The following SHLD1 variants were observed in gnomAD, a reference collection of about 807,000 sequenced individuals.
SHLD1 encodes RINN1-REV7-interacting novel NHEJ regulator 3.
SHLD1 carries 3 observed loss-of-function variants against 5.5 expected under a neutral mutation model. The ratio of observed to expected loss-of-function variants is 0.54; its 90% CI spans 0.25 to 1.40. SHLD1 has a LOEUF of 1.40. Ranked by LOEUF, SHLD1 falls within the 40% of genes most tolerant of loss-of-function variation. The probability of loss-of-function intolerance (pLI) is 0.15; values close to 1 mark genes in which losing one functional copy is unlikely to be tolerated. For synonymous variants in SHLD1, 92 were observed against 94.3 expected, an observed-to-expected ratio of 0.98 and a Z score of 0.14; for missense variants, 210 against 244.4, an observed-to-expected ratio of 0.86 and a Z score of 0.94.
chr20:5,857,874 T>G (rs2088109797), intron 2 of SHLD1, among the ~76,000 whole-genome samples: 1 of 151,618 alleles, frequency 6.6e-6, no homozygotes, highest in Non-Finnish European at 1.5e-5. Context: ...CCAAGGCAGG[T>G]GGATCACGAG....
intron 2 of SHLD1, among the ~76,000 whole-genome samples, chr20:5,860,876 TAAAAAAAAAAAAA>T (rs10555301): frequency 0.028 from 2,800 of 100,766 alleles, 147 homozygotes; most frequent in African/African-American, 0.09. Flanking sequence ...TACTATTCTT[TAAAAAAAAAAAAA>T]AAAAAAAAAA....
chr20:5,772,397 G>T (rs1367653753), intron 1 of SHLD1, among the ~76,000 whole-genome samples: 1 of 152,164 alleles, frequency 6.6e-6, no homozygotes, highest in South Asian at 2.1e-4. Context: ...CTGGACAGGG[G>T]TAATTAATGT....
rs2087471083 is a variant in SHLD1, at chr20:5,812,343, ACTT to A, written c.178+39303_178+39305del. Among the ~76,000 whole-genome samples, 7 of 152,062 alleles carry A rather than the reference ACTT, an allele frequency of 4.6e-5. No individual in the cohort carries two copies. The South Asian group carries it at 1.5e-3, about 32-fold the overall frequency. On this transcript the variant is annotated intron_variant, in intron 2 of 2. Coordinates refer to ENST00000303142, the MANE Select transcript of SHLD1 (RefSeq NM_152504.4). ...GAGTCCATAGGCCACTGCTTGGAAAACTTCTATGTATCCAGTATACAATGCACT... is the reference window on the plus strand; with the variant it reads ...GAGTCCATAGGCCACTGCTTGGAAAACTATGTATCCAGTATACAATGCACT...
At chr20:5,830,308 T>C (rs2087713133) in intron 2 of SHLD1, among the ~76,000 whole-genome samples, 1 of 151,982 alleles carries the variant, frequency 6.6e-6, no homozygotes, top group African/African-American at 2.4e-5. Flanking sequence ...TGCCACTGTA[T>C]GCATATAAGG....
chr20:5,817,968 T>TGCGTCCCTTC (rs2087558819), intron 2 of SHLD1, among the ~76,000 whole-genome samples: 1 of 152,226 alleles, frequency 6.6e-6, no homozygotes, highest in African/African-American at 2.4e-5. Context: ...AGGCACATCT[T>TGCGTCCCTTC]GCGTCCCTTC....
chr20:5,848,425 A>ACC (rs1279783473), intron 2 of SHLD1, among the ~76,000 whole-genome samples: 1 of 152,234 alleles, frequency 6.6e-6, no homozygotes, highest in Non-Finnish European at 1.5e-5. Flanking sequence ...TGGCTGAGGC[A>ACC]CAAGAATCAC....
chr20:5,783,820 C>T (rs1216859930), intron 2 of SHLD1, among the ~76,000 whole-genome samples: 1 of 151,948 alleles, frequency 6.6e-6, no homozygotes, highest in African/African-American at 2.4e-5. Context: ...GGCAGGCATT[C>T]ATCCAAAGAA....
At chr20:5,851,427 G>C (rs1372742195) in intron 2 of SHLD1, among the ~76,000 whole-genome samples, 1 of 151,610 alleles carries the variant, frequency 6.6e-6, no homozygotes, top group Non-Finnish European at 1.5e-5. Context: ...GGACTTCGAG[G>C]CTACAGTGAT....
At chr20:5,852,580 G>A (rs2088025653) in intron 2 of SHLD1, among the ~76,000 whole-genome samples, 1 of 152,180 alleles carries the variant, frequency 6.6e-6, no homozygotes, top group East Asian at 1.9e-4. Context: ...CTCCTGAGTA[G>A]CTGGGATTAC....
intron 2 of SHLD1, among the ~76,000 whole-genome samples, chr20:5,844,856 G>A (rs1445234069): frequency 6.9e-6 from 1 of 144,564 alleles, no homozygotes; most frequent in African/African-American, 2.6e-5. Context: ...GTGTAGTAGT[G>A]CGATCTCGGT....
At chr20:5,808,619 G>GTC (rs1211566532) in intron 2 of SHLD1, among the ~76,000 whole-genome samples, 1 of 152,182 alleles carries the variant, frequency 6.6e-6, no homozygotes, top group African/African-American at 2.4e-5. Context: ...TTAACGAGAT[G>GTC]TCTATTGATG....
intron 2 of SHLD1, among the ~76,000 whole-genome samples, chr20:5,810,049 G>A (rs1299321199): frequency 6.6e-6 from 1 of 151,938 alleles, no homozygotes; most frequent in Non-Finnish European, 1.5e-5. Context: ...ATGAAGTCAG[G>A]AGTTCTAGAC....
chr20:5,817,614 C>T (rs1350606501), intron 2 of SHLD1, among the ~76,000 whole-genome samples: 1 of 152,110 alleles, frequency 6.6e-6, no homozygotes, highest in Non-Finnish European at 1.5e-5. Context: ...AGGTATTCAA[C>T]AGTCATCTCA....
chr20:5,763,175 G>T (rs934539375), intron 1 of SHLD1, among the ~76,000 whole-genome samples: 2 of 150,782 alleles, frequency 1.3e-5, no homozygotes, highest in Non-Finnish European at 2.9e-5. Flanking sequence ...GCGTAGTGGC[G>T]CATGCCTGTA....
intron 2 of SHLD1, among the ~76,000 whole-genome samples, chr20:5,778,728 C>T (rs956937193): frequency 3.9e-5 from 6 of 152,146 alleles, no homozygotes; most frequent in Non-Finnish European, 8.8e-5. Flanking sequence ...CCCAGCCGTT[C>T]TGTTATTTAA....
intron 2 of SHLD1, among the ~76,000 whole-genome samples, chr20:5,789,895 C>G (rs1404071303): frequency 6.6e-6 from 1 of 152,114 alleles, no homozygotes; most frequent in Non-Finnish European, 1.5e-5. Flanking sequence ...ACCTTCTCCC[C>G]AGGACTGACA....
chr20:5,800,703 G>T (rs1169209753), intron 2 of SHLD1, among the ~76,000 whole-genome samples: 1 of 144,688 alleles, frequency 6.9e-6, no homozygotes, highest in East Asian at 2.0e-4. Flanking sequence ...AAAAAAAAAA[G>T]AATTTATGTA....
At chr20:5,816,089 G>GAAAAAAAAAAAAAA (rs141881349) in intron 2 of SHLD1, among the ~76,000 whole-genome samples, 29 of 86,236 alleles carry the variant, frequency 3.4e-4, no homozygotes, top group African/African-American at 6.4e-4. Context: ...TCAAAAAAAC[G>GAAAAAAAAAAAAAA]AAAAAAAAAA....
intron 1 of SHLD1, among the ~76,000 whole-genome samples, chr20:5,753,362 G>A (rs1361257701): frequency 6.6e-6 from 1 of 151,940 alleles, no homozygotes; most frequent in East Asian, 1.9e-4. Flanking sequence ...GGCTGGAGTC[G>A]AACTCCTGGT....
Sources: allele counts gnomAD v4.1 joint callset (sites outside exome capture counted in the v4.1 genomes callset), GRCh38; gene constraint gnomAD v4.1.1; transcripts MANE v1.5; gene names NCBI Gene and HGNC (gene_info 2026-07-23, HGNC 2026-07-21).